SPINK1: variants seen among roughly 807,000 people sequenced by gnomAD.
SPINK1 encodes the protein serine peptidase inhibitor Kazal type 1, also known as serine protease inhibitor Kazal-type 1.
A neutral mutation model predicts 9.5 loss-of-function variants in SPINK1; 5 were observed. The ratio of observed to expected loss-of-function variants is 0.52; its 90% confidence interval spans 0.27 to 1.10. The LOEUF (loss-of-function observed/expected upper bound fraction) is 1.10, where lower values mean the gene tolerates loss of function less well. Among genes scored for constraint, SPINK1 ranks in the 50% least tolerant of loss-of-function variants. The pLI is 0.11. For synonymous variants in SPINK1, 37 were observed against 32.3 expected (o/e 1.14, Z -0.49); for missense variants, 88 against 92.7 (o/e 0.95, Z 0.21).
chr5:147,829,720 T>C, intron 1 of SPINK1, 90 bp from the exon 2 acceptor site: 1 of 1,175,140 alleles, frequency 8.5e-7, no homozygotes, highest in Non-Finnish European at 1.3e-6. Flanking sequence ...CATTGCAGAC[T>C]GTGACTTCTT....
the SPINK1 span, among the ~76,000 whole-genome samples, chr5:147,837,458 C>T: frequency 1.3e-5 from 2 of 152,126 alleles, no homozygotes; most frequent in Non-Finnish European, 2.9e-5. Context: ...GCATAAGGCT[C>T]ATAGCTCACA....
chr5:147,826,211 G>T (rs1361813703), intron 3 of SPINK1, among the ~76,000 whole-genome samples: 2 of 152,134 alleles, frequency 1.3e-5, no homozygotes, highest in Non-Finnish European at 2.9e-5. Context: ...GCCCTTGTTT[G>T]GTATTATCTA....
the SPINK1 span, among the ~76,000 whole-genome samples, chr5:147,837,853 C>T: frequency 2.6e-5 from 4 of 151,914 alleles, no homozygotes; most frequent in African/African-American, 7.3e-5. Context: ...AGGCAAGCAC[C>T]GTGGCACCTG....
At chr5:147,832,524 A>G (rs1756526002), upstream of SPINK1, among the ~76,000 whole-genome samples, 1 of 152,214 alleles carries the variant, frequency 6.6e-6, no homozygotes, top group African/African-American at 2.4e-5. Context: ...AGTGTAATAA[A>G]GTTAATATCT....
chr5:147,831,765 T>A (rs1756513577), upstream of SPINK1: 1 of 1,444,778 alleles, frequency 6.9e-7, no homozygotes, highest in Non-Finnish European at 9.1e-7. Flanking sequence ...TCTGGGAATG[T>A]CACCTGTGTA....
chr5:147,837,492 G>A, the SPINK1 span, among the ~76,000 whole-genome samples: 1 of 152,124 alleles, frequency 6.6e-6, no homozygotes, highest in South Asian at 2.1e-4. Flanking sequence ...GGGTTAATAA[G>A]TGCCTGTGCC....
intron 3 of SPINK1, among the ~76,000 whole-genome samples, chr5:147,826,885 A>T (rs182384111): frequency 6.6e-6 from 1 of 152,268 alleles, no homozygotes; most frequent in Non-Finnish European, 1.5e-5. Context: ...TATGCAGTAG[A>T]ATATAATGGA....
the SPINK1 span, among the ~76,000 whole-genome samples, chr5:147,837,365 G>T: frequency 6.6e-6 from 1 of 152,132 alleles, no homozygotes; most frequent in Non-Finnish European, 1.5e-5. Flanking sequence ...CCCCTCTGTG[G>T]GGTTTGAAAT....
chr5:147,824,834 T>G, intron 3 of SPINK1, 128 bp from the exon 4 acceptor site: 1 of 804,654 alleles, frequency 1.2e-6, no homozygotes. Flanking sequence ...TTATAATCTT[T>G]TCTCTGTCTT....
In SPINK1 at chr5:147,827,828, C is replaced by T. The variant is rs1756436183; in HGVS notation, c.194+194G>A. 10 of 497,366 alleles carry T rather than the reference C, an allele frequency of 2.0e-5. No individual in the cohort carries two copies. The East Asian group carries it at 3.0e-4, about 15-fold the overall frequency. 30.8% of individuals were successfully genotyped at this position (497,366 alleles called of 1,614,324 possible). Reference sequence around the variant, plus strand: ...ACTATTTTGCTGTAAAAAATATAGGCTTTTATCATACAAGTGACTTCTAAA... The same window carrying T: ...ACTATTTTGCTGTAAAAAATATAGGTTTTTATCATACAAGTGACTTCTAAA... On this transcript the variant is annotated intron_variant, in intron 3 of 3. Transcript: ENST00000296695.
rs35877720 is a variant in SPINK1 at position 147,831,542 on chromosome 5, C to G, written c.36G>C (p.Leu12Phe). ...ACTTACCAGATAGACTCAACAGGGCCAAGGCACTGAGAAGAAAGATGCCTG... is the reference window on the plus strand; with the variant it reads ...ACTTACCAGATAGACTCAACAGGGCGAAGGCACTGAGAAGAAAGATGCCTG... ...KVTGIFLLSALALLSLSGNTG... is the reference protein window; with the variant it reads ...KVTGIFLLSAFALLSLSGNTG... The change falls in exon 1 of 4, where the codon TTG becomes TTC. Residue 12 changes from leucine (L) to phenylalanine (F), a missense_variant. Coordinates refer to ENST00000296695, the MANE Select transcript of SPINK1 (RefSeq NM_001379610.1). 8,558 of 1,613,622 alleles carry G rather than the reference C, an allele frequency of 5.3e-3. 418 individuals are homozygous for G. In the African/African-American group the frequency reaches 0.1, roughly 19 times the overall value.
chr5:147,828,125 T>C lies in SPINK1; in HGVS notation c.91A>G (p.Lys31Glu). The change falls in exon 3 of 4, where the codon AAA (lysine) becomes GAA (glutamate). Residue 31 changes from lysine to glutamate, a missense_variant. Transcript: ENST00000296695. Reference sequence around the variant, plus strand: ...CATCCATTAAGTTCATTGTAACATTTGGCCTAAAAATGGAATTAAACAGAA... The same window carrying C: ...CATCCATTAAGTTCATTGTAACATTCGGCCTAAAAATGGAATTAAACAGAA... ...TGADSLGREA[K>E]CYNELNGCTK... is the part of the protein sequence containing the mutation. 1.2e-6 allele frequency: 2 copies of C among 1,612,114 alleles called. No individual in the cohort carries two copies. The highest frequency in any genetic ancestry group is 2.2e-5 in the South Asian group (2 of 90,944).
chr5:147,837,649 T>TTTTC, the SPINK1 span, among the ~76,000 whole-genome samples: 15,822 of 106,858 alleles, frequency 0.15, 1,502 homozygotes, highest in Admixed American at 0.16. Flanking sequence ...CATTAACTTC[T>TTTTC]TTTCTTTCTT....
In SPINK1 at chr5:147,829,954, A is replaced by T. The variant is rs546549375; in HGVS notation, c.56-324T>A. 2.2e-4 allele frequency among the ~76,000 whole-genome samples: 33 copies of T among 152,316 alleles called. No homozygotes were observed. The East Asian group carries it at 6.0e-3, about 28-fold the overall frequency. ...AAATGAATCAGGCACTGAGCAAATT[A>T]TCTTTTGAATACTCACAAACATTCT... is the stretch of plus-strand genomic sequence containing the variant. On this transcript the variant is annotated intron_variant, in intron 1 of 3. Transcript: ENST00000296695.
At chr5:147,833,637 T>C (rs553451361), upstream of SPINK1, among the ~76,000 whole-genome samples, 1 of 152,300 alleles carries the variant, frequency 6.6e-6, no homozygotes, top group South Asian at 2.1e-4. Flanking sequence ...CACTGTCATA[T>C]CTAAGACAAT....
the SPINK1 span, among the ~76,000 whole-genome samples, chr5:147,837,796 G>A: frequency 6.6e-6 from 1 of 151,416 alleles, no homozygotes; most frequent in Non-Finnish European, 1.5e-5. Flanking sequence ...CTGTCTTCCG[G>A]GTTCAAGTGA....
intron 2 of SPINK1, among the ~76,000 whole-genome samples, chr5:147,828,913 A>C (rs1156297136): frequency 6.6e-6 from 1 of 151,626 alleles, no homozygotes; most frequent in Admixed American, 6.6e-5. Context: ...TTTTTGGCTC[A>C]AAATAACCCC....
chr5:147,828,151 T>A lies in SPINK1; in HGVS notation c.88-23A>T, dbSNP rs199929811. The A allele has an allele frequency of 2.7e-3, 4,261 of 1,561,578 alleles. 8 individuals carry two copies. The highest frequency in any genetic ancestry group is 3.4e-3 in the Non-Finnish European group (3,876 of 1,135,132). ...GGCCTAAAAATGGAATTAAACAGAA[T>A]CATTTCCCATTATTCTCCATTCTTG... On this transcript the variant is annotated intron_variant, in intron 2 of 3. Transcript: ENST00000296695.
upstream of SPINK1, among the ~76,000 whole-genome samples, chr5:147,833,526 C>A (rs192814123): frequency 3.9e-5 from 6 of 152,206 alleles, no homozygotes; most frequent in Non-Finnish European, 2.9e-5. Flanking sequence ...TTTCCCTTTC[C>A]CCTTTCTATG....
Sources: allele counts gnomAD v4.1 joint callset (sites outside exome capture counted in the v4.1 genomes callset), GRCh38; gene constraint gnomAD v4.1.1; transcripts MANE v1.5; gene names NCBI Gene and HGNC (gene_info 2026-07-23, HGNC 2026-07-21).